YJU2: variants seen among roughly 807,000 people sequenced by gnomAD.
The protein encoded by YJU2 is splicing factor YJU2.
In YJU2, 28 loss-of-function variants were observed where a neutral mutation model predicts 39.6. That is an observed-to-expected ratio of 0.71 (90% confidence interval 0.52 to 0.97). YJU2 has a LOEUF of 0.97. Ranked by LOEUF, YJU2 falls within the 50% of genes least tolerant of loss-of-function variation. The pLI is 0.00. For synonymous variants in YJU2, 184 were observed against 182.4 expected, an observed-to-expected ratio of 1.01 and a Z score of -0.07; for missense variants, 328 against 430.4, an observed-to-expected ratio of 0.76 and a Z score of 2.11.
rs756789097 is a variant in YJU2 at position 4,261,990 on chromosome 19, A to T, written c.588-4A>T. On this transcript the variant is annotated splice_polypyrimidine_tract_variant and splice_region_variant and intron_variant, in intron 5 of 7. Coordinates refer to ENST00000262962, the MANE Select transcript of YJU2 (RefSeq NM_018074.6). ...CGTCCAAGTTCCCATCTTCCATCCC[A>T]CAGGGCCCTGTTGGAGGAAGCCAGA... is the stretch of plus-strand genomic sequence containing the variant. 1.2e-6 allele frequency: 2 copies of T among 1,611,854 alleles called. No individual in the cohort carries two copies. Among genetic ancestry groups the T allele is most frequent in the Non-Finnish European group, 1.7e-6 (2 of 1,179,228 alleles).
intron 3 of YJU2, among the ~76,000 whole-genome samples, chr19:4,253,504 C>T (rs1970994545): frequency 6.6e-6 from 1 of 151,798 alleles, no homozygotes; most frequent in Non-Finnish European, 1.5e-5. Context: ...TTGCTTGAAC[C>T]CGGGAGGCTG....
chr19:4,250,921 T>C, intron 2 of YJU2, 106 bp from the exon 3 acceptor site: 1 of 1,309,100 alleles, frequency 7.6e-7, no homozygotes, highest in Non-Finnish European at 1.1e-6. Context: ...GAGCTCCCCG[T>C]TGCTGGAGGC....
Position 4,267,657 on chromosome 19 carries a change from G to C in YJU2, c.742G>C (p.Glu248Gln), listed in dbSNP as rs1354967491. The C allele has an allele frequency of 6.2e-7, 1 of 1,613,418 alleles. No homozygotes were observed. Residue 248 changes from glutamate (E) to glutamine (Q), a missense_variant, in exon 7 of 8, where the codon GAG becomes CAG. Transcript: ENST00000262962. The part of the protein sequence containing the change: ...PKPKRKVEVW[E>Q]QSVGSLGSRP... ...GCCCAAGAGGAAGGTGGAGGTCTGG[G>C]AGCAGAGCGTTGGCAGCCTGGGCAG...
chr19:4,258,190 G>T, intron 4 of YJU2, 52 bp from the exon 5 acceptor site: 1 of 1,536,236 alleles, frequency 6.5e-7, no homozygotes, highest in East Asian at 2.5e-5. Context: ...GACAGGGTTT[G>T]CCCCGTGGTG....
At chr19:4,252,262 C>G (rs1230005373) in intron 3 of YJU2, among the ~76,000 whole-genome samples, 1 of 151,254 alleles carries the variant, frequency 6.6e-6, no homozygotes, top group African/African-American at 2.4e-5. Flanking sequence ...GAGTTCGAGA[C>G]CAGCCTGGAC....
At position 4,258,222 on chromosome 19, in the gene YJU2, C is replaced by T. The variant is rs1416982582; in HGVS notation, c.406-20C>T. ...GGTGCGATCCCCATGCACTCAGCCC[C>T]GCCGCCCCGCGCCCGCCAGGTGCTG... is the stretch of plus-strand genomic sequence containing the variant. On this transcript the variant is annotated intron_variant, in intron 4 of 7. Coordinates refer to ENST00000262962, the MANE Select transcript of YJU2 (RefSeq NM_018074.6). The T allele has an allele frequency of 2.6e-6, 4 of 1,549,524 alleles. No homozygotes were observed. Among genetic ancestry groups the T allele is most frequent in the Non-Finnish European group, 3.5e-6 (4 of 1,146,186 alleles).
chr19:4,259,097 T>G (rs1971049503), intron 5 of YJU2, among the ~76,000 whole-genome samples: 1 of 136,482 alleles, frequency 7.3e-6, no homozygotes, highest in Non-Finnish European at 1.5e-5. Context: ...TTTTTTTTTT[T>G]TTTGAGACGG....
At chr19:4,249,429 G>A (rs1238161671) in intron 2 of YJU2, 101 bp downstream of exon 2, 31 of 708,382 alleles carry the variant, frequency 4.4e-5, no homozygotes, top group Non-Finnish European at 6.7e-5. Flanking sequence ...CCAGATCACT[G>A]GTCTTAGACA....
chr19:4,268,098 C>A (rs1259412152), intron 7 of YJU2, among the ~76,000 whole-genome samples: 4 of 151,976 alleles, frequency 2.6e-5, no homozygotes, highest in Admixed American at 2.6e-4. Flanking sequence ...ACTACAGCAC[C>A]ACGCCCGGCT....
chr19:4,247,576 GT>G, intron 1 of YJU2, among the ~76,000 whole-genome samples: 3 of 79,090 alleles, frequency 3.8e-5, no homozygotes, highest in African/African-American at 3.8e-4. Flanking sequence ...GTGGGGTGGG[GT>G]GGCGCGTGTG....
intron 5 of YJU2, among the ~76,000 whole-genome samples, chr19:4,259,953 A>C (rs1203932523): frequency 6.6e-6 from 1 of 151,982 alleles, no homozygotes; most frequent in African/African-American, 2.4e-5. Flanking sequence ...TAACCTCACT[A>C]CCCACACAGC....
At chr19:4,254,314 C>T in intron 3 of YJU2, 41 bp from the exon 4 acceptor site, 2 of 1,477,648 alleles carry the variant, frequency 1.4e-6, no homozygotes, top group Non-Finnish European at 1.9e-6. Context: ...ATTCTAGTGC[C>T]TGGGGATGTA....
intron 5 of YJU2, among the ~76,000 whole-genome samples, chr19:4,260,582 C>A (rs1971063049): frequency 6.6e-6 from 1 of 151,474 alleles, no homozygotes; most frequent in Non-Finnish European, 1.5e-5. Flanking sequence ...ACTAAAACTA[C>A]AGAAATTAGC....
At chr19:4,254,278 C>G in intron 3 of YJU2, 77 bp from the exon 4 acceptor site, 2 of 1,047,434 alleles carry the variant, frequency 1.9e-6, no homozygotes, top group Non-Finnish European at 3.0e-6. Context: ...AGAAGGGGCC[C>G]TGATCTGCTG....
chr19:4,248,527 A>G (rs1217067961), intron 1 of YJU2, among the ~76,000 whole-genome samples: 1 of 152,204 alleles, frequency 6.6e-6, no homozygotes, highest in East Asian at 1.9e-4. Flanking sequence ...CTGAGCTAAC[A>G]GAGTCCTGGT....
chr19:4,248,683 C>T (rs1392422723), intron 1 of YJU2, among the ~76,000 whole-genome samples: 1 of 152,104 alleles, frequency 6.6e-6, no homozygotes, highest in African/African-American at 2.4e-5. Flanking sequence ...CTTTGGGAGG[C>T]CAAGGCAGGT....
At chr19:4,260,821 A>G (rs374454758) in intron 5 of YJU2, among the ~76,000 whole-genome samples, 67 of 152,094 alleles carry the variant, frequency 4.4e-4, no homozygotes, top group Non-Finnish European at 4.3e-4. Context: ...GGAAGTCCCA[A>G]TGGGTGCTCT....
chr19:4,250,865 G>A (rs1345959616), intron 2 of YJU2, among the ~76,000 whole-genome samples, 162 bp from the exon 3 acceptor site: 3 of 152,124 alleles, frequency 2.0e-5, no homozygotes, highest in African/African-American at 4.8e-5. Flanking sequence ...TTCTCAGGTA[G>A]AGGAAATTTG....
At chr19:4,261,522 G>A (rs972368401) in intron 5 of YJU2, among the ~76,000 whole-genome samples, 4 of 151,590 alleles carry the variant, frequency 2.6e-5, no homozygotes, top group African/African-American at 4.9e-5. Context: ...TTAGCCGGGT[G>A]TGGTGGCAGG....
Sources: allele counts gnomAD v4.1 joint callset (sites outside exome capture counted in the v4.1 genomes callset), GRCh38; gene constraint gnomAD v4.1.1; transcripts MANE v1.5; gene names NCBI Gene and HGNC (gene_info 2026-07-23, HGNC 2026-07-21).